The following MDM1 variants were observed in gnomAD, a reference collection of about 807,000 sequenced individuals.
MDM1 encodes the protein Mdm1 nuclear protein.
In MDM1, 61 loss-of-function variants were observed where a neutral mutation model predicts 89.1. The ratio of observed to expected loss-of-function variants is 0.68; its 90% CI spans 0.56 to 0.85. MDM1 has a LOEUF of 0.85. Ranked by LOEUF, MDM1 falls within the 40% of genes least tolerant of loss-of-function variation. The pLI, the probability that MDM1 is intolerant of heterozygous loss-of-function variation, is 0.00. For synonymous variants in MDM1, 290 were observed against 294.1 expected, an observed-to-expected ratio of 0.99 and a Z score of 0.14; for missense variants, 820 against 846.5, an observed-to-expected ratio of 0.97 and a Z score of 0.39.
Position 68,326,869 on chromosome 12 carries a change from C to T in MDM1, c.286G>A (p.Glu96Lys). 1 of 1,613,922 alleles carries T rather than the reference C, an allele frequency of 6.2e-7. No individual in the cohort carries two copies. The highest frequency in any genetic ancestry group is 8.5e-7 in the Non-Finnish European group (1 of 1,179,866). Residue 96 changes from glutamate to lysine, a missense_variant, in exon 3 of 15, where the codon GAA becomes AAA. Transcript: ENST00000682720. ...TGAGTAACATCCTTTTGTTCTGCTT[C>T]TTGTGATTTTGGTGTTTCCGGGGCT... is the stretch of plus-strand genomic sequence containing the variant. ...PEAPETPKSQ[E>K]AEQKDVTQER...
intron 12 of MDM1, among the ~76,000 whole-genome samples, chr12:68,312,591 C>G (rs1873840777): frequency 6.6e-6 from 1 of 152,196 alleles, no homozygotes; most frequent in Non-Finnish European, 1.5e-5. Context: ...TACCTATTCT[C>G]AACACAGCAG....
chr12:68,331,084 G>A lies in MDM1; in HGVS notation c.133+23C>T, dbSNP rs745819281. On this transcript the variant is annotated intron_variant, in intron 2 of 14. Coordinates refer to ENST00000682720, the MANE Select transcript of MDM1 (RefSeq NM_001354969.2). ...TTATAAACTTAGCCCAGGTTAGAAT[G>A]GCTATTAGCCTGCTCAACTTACCTA... is the stretch of plus-strand genomic sequence containing the variant. 7.5e-6 allele frequency: 10 copies of A among 1,326,712 alleles called. No homozygotes were observed. The East Asian group carries it at 2.1e-4, about 27-fold the overall frequency. The allele number at this position is 1,326,712 out of a possible 1,614,324, so 82.2% of individuals were successfully genotyped here. A position where few individuals can be genotyped will look rare whatever the true frequency, so the allele number is the denominator to read the frequency against.
rs1246670561 is a variant in MDM1 at position 68,325,554 on chromosome 12, T to C, written c.520A>G (p.Lys174Glu). Residue 174 changes from lysine to glutamate, a missense_variant, in exon 4 of 15, where the codon AAA becomes GAA. Physicochemically the swap from Lys to Glu is moderately conservative, Grantham distance 56 (BLOSUM62 1). Transcript: ENST00000682720. ...GAAGGAACAACAGTCAATCCAGCTT[T>C]CTTACGCAGAAGTCTATCCAACTGT... ...DNGLDRLLRK[K>E]AGLTVVPSYN... 1.9e-6 allele frequency: 3 copies of C among 1,582,480 alleles called. No individual in the cohort carries two copies. Among genetic ancestry groups the C allele is most frequent in the Admixed American group, 1.8e-5 (1 of 55,670 alleles).
At chr12:68,331,266 G>A (rs1468487501) in intron 1 of MDM1, 45 bp from the exon 2 acceptor site, 2 of 1,061,926 alleles carry the variant, frequency 1.9e-6, no homozygotes, top group Non-Finnish European at 3.0e-6. Context: ...ATTAATGAAT[G>A]ATGTTTTAAA....
At chr12:68,319,355 C>T (rs1467906505) in intron 7 of MDM1, among the ~76,000 whole-genome samples, 6 of 152,112 alleles carry the variant, frequency 3.9e-5, no homozygotes, top group Non-Finnish European at 8.8e-5. Context: ...AAAAGTATAT[C>T]TCAAACATAG....
At chr12:68,305,942 C>A (rs967911067) in intron 12 of MDM1, among the ~76,000 whole-genome samples, 11 of 121,758 alleles carry the variant, frequency 9.0e-5, no homozygotes, top group African/African-American at 1.2e-4. Context: ...GGGCCCAAAG[C>A]AATCCTAAGC....
chr12:68,319,286 A>G (rs1200211788), intron 7 of MDM1, among the ~76,000 whole-genome samples: 2 of 152,206 alleles, frequency 1.3e-5, no homozygotes, highest in African/African-American at 4.8e-5. Flanking sequence ...CTAATGCTCT[A>G]TGAGAGGTAA....
intron 7 of MDM1, among the ~76,000 whole-genome samples, chr12:68,319,910 A>G (rs1874990918): frequency 1.3e-5 from 2 of 152,234 alleles, no homozygotes; most frequent in Non-Finnish European, 2.9e-5. Flanking sequence ...TTCAGTTTTA[A>G]CAATCTTCTC....
At chr12:68,323,317 CAT>C (rs1240527030) in intron 4 of MDM1, 77 bp from the exon 5 acceptor site, 20 of 1,071,872 alleles carry the variant, frequency 1.9e-5, no homozygotes, top group South Asian at 1.9e-4. Flanking sequence ...CTTAACAAAA[CAT>C]AAAGTTGAAT....
rs757903087 is a variant in MDM1, at chr12:68,331,238, A to G, written c.19-17T>C. 3.0e-5 allele frequency: 38 copies of G among 1,276,030 alleles called. No homozygotes were observed. In the South Asian group the frequency reaches 3.8e-4, roughly 13 times the overall value. 79.0% of individuals were successfully genotyped at this position (1,276,030 alleles called of 1,614,324 possible). A position where few individuals can be genotyped will look rare whatever the true frequency, so the allele number is the denominator to read the frequency against. ...ACTCAGCCCCTGTAATGCAAAGTACACTTTTGAGTACAGTCCAATTAATGA... is the reference window on the plus strand; with the variant it reads ...ACTCAGCCCCTGTAATGCAAAGTACGCTTTTGAGTACAGTCCAATTAATGA... On this transcript the variant is annotated splice_polypyrimidine_tract_variant and intron_variant, in intron 1 of 14. Coordinates refer to ENST00000682720, the MANE Select transcript of MDM1 (RefSeq NM_001354969.2).
At position 68,316,366 on chromosome 12, in the gene MDM1, A is replaced by G. The variant is rs1056634246; in HGVS notation, c.1036-113T>C. On this transcript the variant is annotated intron_variant, in intron 8 of 14. Coordinates refer to ENST00000682720, the MANE Select transcript of MDM1 (RefSeq NM_001354969.2). ...TACAGCCAGGGACCAAAGACAAAGG[A>G]AGGCAAAATTAGCCACATACAGTCA... 6.0e-5 allele frequency: 74 copies of G among 1,236,756 alleles called. 1 individual carries two copies. In the African/African-American group the frequency reaches 1.0e-3, roughly 17 times the overall value. The allele number at this position is 1,236,756 out of a possible 1,614,324, so 76.6% of individuals were successfully genotyped here.
intron 12 of MDM1, among the ~76,000 whole-genome samples, chr12:68,308,044 C>T (rs1481287201): frequency 6.6e-6 from 1 of 151,830 alleles, no homozygotes; most frequent in Admixed American, 6.6e-5. Flanking sequence ...TGCCCTCTCC[C>T]CTTCCCTCTC....
chr12:68,314,947 C>G lies in MDM1; in HGVS notation c.1529+1G>C. On this transcript the variant is annotated splice_donor_variant, in intron 10 of 14. Transcript: ENST00000682720. LOFTEE classifies it high-confidence loss of function. ...TATACTGAGTAATTTAAAACTCTCA[C>G]CCTTCTTTCATCTTATCTGCCTTAG... 6.2e-7 allele frequency: 1 copy of G among 1,610,444 alleles called. No homozygotes were observed. The highest frequency in any genetic ancestry group is 1.3e-5 in the African/African-American group (1 of 74,864).
chr12:68,325,342 A>G (rs1875809067), intron 4 of MDM1, 99 bp downstream of exon 4: 1 of 1,383,136 alleles, frequency 7.2e-7, no homozygotes, highest in Non-Finnish European at 9.4e-7. Flanking sequence ...CCTCCAGGCT[A>G]CTTAAGTACT....
intron 5 of MDM1, among the ~76,000 whole-genome samples, 173 bp from the exon 6 acceptor site, chr12:68,321,801 T>C (rs1278051447): frequency 6.6e-6 from 1 of 152,222 alleles, no homozygotes; most frequent in East Asian, 1.9e-4. Context: ...TTGAAATTTT[T>C]AGTATATTTG....
chr12:68,313,556 G>C lies in MDM1; in HGVS notation c.1640-4C>G. ...GGAGACACTAAAACAGCACCACCTG[G>C]AAAAATAAAGATGACAGTTTCAATT... On this transcript the variant is annotated splice_polypyrimidine_tract_variant and splice_region_variant and intron_variant, in intron 11 of 14. Transcript: ENST00000682720. The C allele has an allele frequency of 6.2e-7, 1 of 1,611,854 alleles. No homozygotes were observed. The highest frequency in any genetic ancestry group is 1.7e-4 in the Middle Eastern group (1 of 6,052).
intron 12 of MDM1, among the ~76,000 whole-genome samples, chr12:68,308,844 T>A (rs1453499646): frequency 6.6e-6 from 1 of 152,202 alleles, no homozygotes; most frequent in Non-Finnish European, 1.5e-5. Context: ...ATCAATCTTG[T>A]TGGGCAAGCC....
At position 68,316,604 on chromosome 12, in the gene MDM1, G is replaced by A; in HGVS notation, c.1012C>T (p.Leu338=). ...VKGNMPNQGS[L]NAMWYAEVKE... ...ACCTCAGCATACCACATGGCATTTAGAGAACCCTAGAGAAGGAATACAGAA... is the reference window on the plus strand; with the variant it reads ...ACCTCAGCATACCACATGGCATTTAAAGAACCCTAGAGAAGGAATACAGAA... Residue 338 remains leucine (L), a synonymous_variant, in exon 8 of 15, where the codon CTA becomes TTA. Coordinates refer to ENST00000682720, the MANE Select transcript of MDM1 (RefSeq NM_001354969.2). The A allele has an allele frequency of 6.5e-7, 1 of 1,534,800 alleles. No individual in the cohort carries two copies. Among genetic ancestry groups the A allele is most frequent in the South Asian group, 1.2e-5 (1 of 83,948 alleles).
chr12:68,298,909 G>C (rs956692201), intron 13 of MDM1, among the ~76,000 whole-genome samples: 2 of 152,038 alleles, frequency 1.3e-5, no homozygotes, highest in Non-Finnish European at 2.9e-5. Context: ...AGCTTCAAGA[G>C]ACCTCTGCCA....
Sources: allele counts gnomAD v4.1 joint callset (sites outside exome capture counted in the v4.1 genomes callset), GRCh38; gene constraint gnomAD v4.1.1; transcripts MANE v1.5; gene names NCBI Gene and HGNC (gene_info 2026-07-23, HGNC 2026-07-21).